TMEM150B: variants seen among roughly 807,000 people sequenced by gnomAD.
The protein encoded by TMEM150B is modulator of macroautophagy TMEM150B.
TMEM150B carries 33 observed loss-of-function variants against 25.2 expected under a neutral mutation model. The observed-to-expected ratio is 1.31, with a 90% confidence interval of 0.99 to 1.75. The LOEUF (loss-of-function observed/expected upper bound fraction) is 1.75, where lower values mean the gene tolerates loss of function less well. TMEM150B is among the 40% of genes most tolerant of loss of function. The pLI, the probability that TMEM150B is intolerant of heterozygous loss-of-function variation, is 0.00. For missense variants in TMEM150B, 322 were observed against 306.1 expected (o/e 1.05, Z -0.39); for synonymous variants, 133 against 134.8 (o/e 0.99, Z 0.09).
At chr19:55,311,575 G>T (rs951257362), downstream of TMEM150B, among the ~76,000 whole-genome samples, 3 of 152,174 alleles carry the variant, frequency 2.0e-5, no homozygotes, top group African/African-American at 7.2e-5. Flanking sequence ...GTCCTGGCAG[G>T]CTGTTTCCTA....
At chr19:55,319,847 C>A (rs12985698) in intron 6 of TMEM150B, 192 bp downstream of exon 6, 141,172 of 1,419,826 alleles carry the variant, frequency 0.099, 7,696 homozygotes, top group Middle Eastern at 0.13. Flanking sequence ...AACAGCCTCG[C>A]TCGTAGTGCC....
At chr19:55,316,163 G>A (rs920607815) in intron 7 of TMEM150B, among the ~76,000 whole-genome samples, 4 of 152,048 alleles carry the variant, frequency 2.6e-5, no homozygotes, top group African/African-American at 9.7e-5. Context: ...AATTACAGTG[G>A]TATAAATACT....
Position 55,312,802 on chromosome 19 carries a change from A to G in TMEM150B, c.*57T>C. ...ATCTTGCTGGGTGCGGGGCACTGGG[A>G]TTGGCCCCATCTTTCCTGCTTCACT... On this transcript the variant is annotated 3_prime_UTR_variant, in exon 8 of 8. Transcript: ENST00000326652. 6.7e-7 allele frequency: 1 copy of G among 1,494,490 alleles called. No individual in the cohort carries two copies. The highest frequency in any genetic ancestry group is 1.4e-5 in the African/African-American group (1 of 72,104). The allele number at this position is 1,494,490 out of a possible 1,614,324, so 92.6% of individuals were successfully genotyped here.
chr19:55,315,328 T>C (rs748523913), intron 7 of TMEM150B, among the ~76,000 whole-genome samples: 6 of 148,042 alleles, frequency 4.1e-5, no homozygotes, highest in African/African-American at 5.0e-5. Context: ...AAAATAATAA[T>C]AACAAGATAA....
chr19:55,320,657 C>A, intron 3 of TMEM150B, 40 bp from the exon 4 acceptor site: 1 of 1,590,236 alleles, frequency 6.3e-7, no homozygotes, highest in Non-Finnish European at 8.6e-7. Flanking sequence ...CTCTCACCAA[C>A]AACTTTTCCT....
At chr19:55,321,250 T>C (rs375673841) in intron 2 of TMEM150B, among the ~76,000 whole-genome samples, 157 bp from the exon 3 acceptor site, 1 of 151,798 alleles carries the variant, frequency 6.6e-6, no homozygotes, top group African/African-American at 2.4e-5. Context: ...CCCGCAGTGT[T>C]CAACCCTATC....
chr19:55,322,739 ACATCCTG>A lies in TMEM150B; in HGVS notation c.-153-3_-150del. The A allele has an allele frequency of 1.0e-6, 1 of 985,402 alleles. No homozygotes were observed. Among genetic ancestry groups the A allele is most frequent in the Non-Finnish European group, 1.2e-6 (1 of 830,014 alleles). The allele number at this position is 985,402 out of a possible 1,614,324, so 61.0% of individuals were successfully genotyped here. On this transcript the variant is annotated splice_acceptor_variant and splice_polypyrimidine_tract_variant and 5_prime_UTR_variant and intron_variant, in exon 2 of 8. Coordinates refer to ENST00000326652, the MANE Select transcript of TMEM150B (RefSeq NM_001282011.2). LOFTEE classifies it low-confidence loss of function (5UTR_SPLICE). ...GGCATTCGGGGTGGGGCTCAGGCAG[ACATCCTG>A]CAGAGGCAAAGTCCAGGCTGCAGGA...
rs752598408 is a variant in TMEM150B, at chr19:55,312,887, G to A, written c.674C>T (p.Ser225Phe). The change falls in exon 8 of 8, where the codon TCC becomes TTC. Residue 225 changes from serine (S) to phenylalanine (F), a missense_variant. Coordinates refer to ENST00000326652, the MANE Select transcript of TMEM150B (RefSeq NM_001282011.2). ...CAGCTGGACCGGCAGGGAGATGGGG[G>A]AGGCCGGCGGGGGGCTGAGGCTGGG... ...PWPSLSPPPASPISLPVQL is the reference protein window; with the variant it reads ...PWPSLSPPPAFPISLPVQL 5 of 1,598,788 alleles carry A rather than the reference G, an allele frequency of 3.1e-6. No individual in the cohort carries two copies. The African/African-American group carries it at 4.0e-5, about 13-fold the overall frequency.
chr19:55,320,235 G>A (rs2089161003), intron 5 of TMEM150B, 69 bp from the exon 6 acceptor site: 1 of 1,576,556 alleles, frequency 6.3e-7, no homozygotes, highest in Non-Finnish European at 8.6e-7. Flanking sequence ...AGGGAGGGAA[G>A]TGAGGGGAGC....
chr19:55,317,415 C>G (rs1246826381), intron 6 of TMEM150B, among the ~76,000 whole-genome samples: 1 of 152,070 alleles, frequency 6.6e-6, no homozygotes, highest in African/African-American at 2.4e-5. Flanking sequence ...GAAGGTGAAG[C>G]AGGCAGATCA....
rs775767307 is a variant in TMEM150B at position 55,316,890 on chromosome 19, T to G, written c.401A>C (p.Gln134Pro). The G allele has an allele frequency of 6.2e-7, 1 of 1,606,186 alleles. No individual in the cohort carries two copies. Among genetic ancestry groups the G allele is most frequent in the African/African-American group, 1.3e-5 (1 of 74,468 alleles). ...FILGNVYFWL[Q>P]LLLWRLKRLP... ...CCTCTTCAGCCTCCACAGGAGGAGCTGCAGCCAGAAGTAGACGTTACCCAA... is the reference window on the plus strand; with the variant it reads ...CCTCTTCAGCCTCCACAGGAGGAGCGGCAGCCAGAAGTAGACGTTACCCAA... Residue 134 changes from glutamine to proline, a missense_variant, in exon 7 of 8, where the codon CAG (glutamine) becomes CCG (proline). By Grantham distance (76) the Gln-to-Pro change is moderately conservative. Coordinates refer to ENST00000326652, the MANE Select transcript of TMEM150B (RefSeq NM_001282011.2).
chr19:55,321,814 G>A (rs537107144), intron 2 of TMEM150B, among the ~76,000 whole-genome samples: 6 of 152,262 alleles, frequency 3.9e-5, no homozygotes, highest in African/African-American at 1.4e-4. Context: ...GGGTACCCAA[G>A]AGTGAGGGCC....
In TMEM150B at chr19:55,321,243, G is replaced by T. The variant is rs373130373; in HGVS notation, c.-57-150C>A. 128 of 1,168,006 alleles carry T rather than the reference G, an allele frequency of 1.1e-4. No homozygotes were observed. In the South Asian group the frequency reaches 1.9e-3, roughly 18 times the overall value. 72.4% of individuals were successfully genotyped at this position (1,168,006 alleles called of 1,614,324 possible). On this transcript the variant is annotated intron_variant, in intron 2 of 7. Coordinates refer to ENST00000326652, the MANE Select transcript of TMEM150B (RefSeq NM_001282011.2). ...TCCAGGCAATTTCCCCACCTATCCC[G>T]CAGTGTTCAACCCTATCTCACGCAT...
At chr19:55,321,348 C>T in intron 2 of TMEM150B, among the ~76,000 whole-genome samples, 1 of 151,840 alleles carries the variant, frequency 6.6e-6, no homozygotes, top group East Asian at 1.9e-4. Context: ...TCCCAGCCTC[C>T]AGGACCTCCT....
intron 7 of TMEM150B, among the ~76,000 whole-genome samples, chr19:55,315,735 TA>T (rs1177212773): frequency 6.9e-6 from 1 of 145,666 alleles, no homozygotes; most frequent in Non-Finnish European, 1.5e-5. Context: ...CACTCCAGCC[TA>T]GGTGACAGAG....
chr19:55,312,882 T>G lies in TMEM150B; in HGVS notation c.679A>C (p.Ile227Leu), dbSNP rs1260311606. 8 of 1,597,580 alleles carry G rather than the reference T, an allele frequency of 5.0e-6. No homozygotes were observed. Among genetic ancestry groups the G allele is most frequent in the Non-Finnish European group, 6.0e-6 (7 of 1,173,286 alleles). ...PSLSPPPASP[I>L]SLPVQL Reference sequence around the variant, plus strand: ...TGCTACAGCTGGACCGGCAGGGAGATGGGGGAGGCCGGCGGGGGGCTGAGG... The same window carrying G: ...TGCTACAGCTGGACCGGCAGGGAGAGGGGGGAGGCCGGCGGGGGGCTGAGG... Residue 227 changes from isoleucine to leucine, a missense_variant, in exon 8 of 8, where the codon ATC (isoleucine) becomes CTC (leucine). Physicochemically the swap from Ile to Leu is conservative, Grantham distance 5. Coordinates refer to ENST00000326652, the MANE Select transcript of TMEM150B (RefSeq NM_001282011.2).
chr19:55,313,254 C>T (rs548260839), intron 7 of TMEM150B, among the ~76,000 whole-genome samples, 199 bp from the exon 8 acceptor site: 8 of 152,256 alleles, frequency 5.3e-5, no homozygotes, highest in African/African-American at 1.9e-4. Context: ...AAGCTGCTTG[C>T]ACATGCTTTC....
At position 55,320,026 on chromosome 19, in the gene TMEM150B, G is replaced by C; in HGVS notation, c.324+13C>G. 1.2e-6 allele frequency: 2 copies of C among 1,613,982 alleles called. No individual in the cohort carries two copies. The highest frequency in any genetic ancestry group is 1.7e-6 in the Non-Finnish European group (2 of 1,179,968). On this transcript the variant is annotated intron_variant, in intron 6 of 7. Coordinates refer to ENST00000326652, the MANE Select transcript of TMEM150B (RefSeq NM_001282011.2). Reference sequence around the variant, plus strand: ...CCGGCCGGGACAGACCCTGGGCGCCGACTGGGTCTCACCTGGAAATTGCCT... The same window carrying C: ...CCGGCCGGGACAGACCCTGGGCGCCCACTGGGTCTCACCTGGAAATTGCCT...
intron 7 of TMEM150B, among the ~76,000 whole-genome samples, chr19:55,315,584 A>G (rs959268731): frequency 9.9e-5 from 15 of 152,084 alleles, no homozygotes; most frequent in African/African-American, 3.6e-4. Context: ...ACATGGTGAA[A>G]CCCTGTCCCT....
Sources: allele counts gnomAD v4.1 joint callset (sites outside exome capture counted in the v4.1 genomes callset), GRCh38; gene constraint gnomAD v4.1.1; transcripts MANE v1.5; gene names NCBI Gene and HGNC (gene_info 2026-07-23, HGNC 2026-07-21).